ATP6V0E1: variants seen among roughly 807,000 people sequenced by gnomAD.
ATP6V0E1 encodes the protein ATPase H+ transporting V0 subunit e1, also known as V-type proton ATPase subunit e 1.
Under a neutral mutation model 11.6 loss-of-function variants are expected in ATP6V0E1, and 4 were observed. That is an observed-to-expected ratio of 0.35 (90% CI 0.17 to 0.79). The LOEUF (loss-of-function observed/expected upper bound fraction) is 0.79, where lower values mean the gene tolerates loss of function less well. ATP6V0E1 is among the 30% of genes least tolerant of loss of function. The probability of loss-of-function intolerance (pLI) is 0.54; values close to 1 mark genes in which losing one functional copy is unlikely to be tolerated. For synonymous variants in ATP6V0E1, 36 were observed against 34.8 expected (o/e 1.04, Z -0.13); for missense variants, 105 against 100.0 (o/e 1.05, Z -0.21).
At chr5:172,995,020 T>C (rs1756044038) in intron 2 of ATP6V0E1, among the ~76,000 whole-genome samples, 198 bp downstream of exon 2, 1 of 152,212 alleles carries the variant, frequency 6.6e-6, no homozygotes, top group African/African-American at 2.4e-5. Flanking sequence ...ACAACTTCTG[T>C]TTAATTGGCA....
At chr5:172,993,824 T>A (rs1162695140) in intron 1 of ATP6V0E1, among the ~76,000 whole-genome samples, 1 of 152,008 alleles carries the variant, frequency 6.6e-6, no homozygotes, top group Non-Finnish European at 1.5e-5. Flanking sequence ...GGAGCTATGA[T>A]CATGCCACTG....
chr5:173,016,726 T>C (rs1756405811), intron 2 of ATP6V0E1, among the ~76,000 whole-genome samples: 1 of 152,238 alleles, frequency 6.6e-6, no homozygotes, highest in African/African-American at 2.4e-5. Flanking sequence ...CTCTTAGCTC[T>C]GCACCATTAG....
intron 3 of ATP6V0E1, among the ~76,000 whole-genome samples, chr5:173,021,724 A>G (rs1373891144): frequency 6.6e-6 from 1 of 152,200 alleles, no homozygotes; most frequent in Non-Finnish European, 1.5e-5. Context: ...TGGAGGGGAC[A>G]TATAATCCAA....
At chr5:172,994,217 G>A (rs947145794) in intron 1 of ATP6V0E1, among the ~76,000 whole-genome samples, 2 of 152,138 alleles carry the variant, frequency 1.3e-5, no homozygotes, top group African/African-American at 4.8e-5. Context: ...ATGTGAGGGT[G>A]GGTCGGTTGG....
At chr5:173,013,052 T>A (rs1047508788) in intron 2 of ATP6V0E1, among the ~76,000 whole-genome samples, 1 of 152,058 alleles carries the variant, frequency 6.6e-6, no homozygotes, top group Non-Finnish European at 1.5e-5. Context: ...CACGTGCTTG[T>A]GGTCCAAGCT....
At chr5:173,008,991 G>A (rs1756274817) in intron 2 of ATP6V0E1, among the ~76,000 whole-genome samples, 1 of 150,206 alleles carries the variant, frequency 6.7e-6, no homozygotes, top group Non-Finnish European at 1.5e-5. Flanking sequence ...TTTGGGAGGC[G>A]AAGGCTGGCA....
At chr5:172,992,781 G>A (rs1756006267) in intron 1 of ATP6V0E1, among the ~76,000 whole-genome samples, 1 of 152,020 alleles carries the variant, frequency 6.6e-6, no homozygotes, top group Admixed American at 6.6e-5. Context: ...GCTTCATGAG[G>A]CAGTGGTTTT....
At chr5:172,990,928 G>C (rs1277814910) in intron 1 of ATP6V0E1, among the ~76,000 whole-genome samples, 1 of 151,590 alleles carries the variant, frequency 6.6e-6, no homozygotes, top group South Asian at 2.1e-4. Context: ...AAGATTACAG[G>C]CTTGAGCCAC....
chr5:173,004,936 G>C (rs937397720), intron 2 of ATP6V0E1, among the ~76,000 whole-genome samples: 3 of 152,036 alleles, frequency 2.0e-5, no homozygotes, highest in Admixed American at 6.6e-5. Context: ...AATTGCTTTG[G>C]CATTTTCATC....
chr5:172,986,180 A>G (rs1181767369), intron 1 of ATP6V0E1, among the ~76,000 whole-genome samples: 1 of 152,242 alleles, frequency 6.6e-6, no homozygotes, highest in Non-Finnish European at 1.5e-5. Context: ...GCTGTATACC[A>G]TGGTGGACTT....
chr5:173,008,535 A>G (rs911606866), intron 2 of ATP6V0E1, among the ~76,000 whole-genome samples: 1 of 149,280 alleles, frequency 6.7e-6, no homozygotes, highest in Non-Finnish European at 1.5e-5. Flanking sequence ...TCTTGACCTC[A>G]TGATCTGCCC....
chr5:172,987,071 C>G (rs1011351839), intron 1 of ATP6V0E1: 1 of 175,504 alleles, frequency 5.7e-6, no homozygotes, highest in Admixed American at 6.4e-5. Flanking sequence ...CAGGCATGAG[C>G]CACCACGCCC....
chr5:172,987,722 T>C (rs1429643350), intron 1 of ATP6V0E1, among the ~76,000 whole-genome samples: 1 of 151,942 alleles, frequency 6.6e-6, no homozygotes, highest in Admixed American at 6.6e-5. Context: ...ATATAATTTT[T>C]TTTTTTTAAG....
intron 3 of ATP6V0E1, 34 bp downstream of exon 3, chr5:173,020,401 G>T: frequency 7.7e-7 from 1 of 1,292,128 alleles, no homozygotes; most frequent in Non-Finnish European, 1.1e-6. Context: ...TATCAGTATG[G>T]TCAGGCAGTC....
At chr5:173,024,916 C>T (rs185109113) in intron 3 of ATP6V0E1, among the ~76,000 whole-genome samples, 103 of 147,692 alleles carry the variant, frequency 7.0e-4, no homozygotes, top group African/African-American at 2.5e-3. Flanking sequence ...GATCTGGGCT[C>T]ACTGCAACCT....
intron 2 of ATP6V0E1, among the ~76,000 whole-genome samples, chr5:173,008,291 T>C (rs1214176256): frequency 6.6e-6 from 1 of 150,408 alleles, no homozygotes; most frequent in African/African-American, 2.5e-5. Flanking sequence ...CCTTTTTTTT[T>C]CTTTTCTTTT....
chr5:172,990,027 T>C (rs1755957291), intron 1 of ATP6V0E1, among the ~76,000 whole-genome samples: 1 of 152,046 alleles, frequency 6.6e-6, no homozygotes, highest in Non-Finnish European at 1.5e-5. Context: ...TTGTAGATAC[T>C]GGGTCTCGTT....
At chr5:173,032,251 TTA>T (rs1406146249) in intron 3 of ATP6V0E1, among the ~76,000 whole-genome samples, 1 of 122,360 alleles carries the variant, frequency 8.2e-6, no homozygotes, top group Non-Finnish European at 1.8e-5. Context: ...TTATTTTATT[TTA>T]TTTATTTATT....
chr5:172,990,502 T>A (rs1285400711), intron 1 of ATP6V0E1, among the ~76,000 whole-genome samples: 1 of 152,104 alleles, frequency 6.6e-6, no homozygotes, highest in African/African-American at 2.4e-5. Flanking sequence ...TTTAATTTTA[T>A]TTTTATTTTT....
Sources: allele counts gnomAD v4.1 joint callset (sites outside exome capture counted in the v4.1 genomes callset), GRCh38; gene constraint gnomAD v4.1.1; transcripts MANE v1.5; gene names NCBI Gene and HGNC (gene_info 2026-07-23, HGNC 2026-07-21).